HTT: variants seen among roughly 807,000 people sequenced by gnomAD.
The protein encoded by HTT is huntingtin.
HTT carries 104 observed loss-of-function variants against 362.3 expected under a neutral mutation model. The ratio of observed to expected loss-of-function variants is 0.29; its 90% CI spans 0.24 to 0.34. The LOEUF is 0.34. HTT is among the 10% of genes least tolerant of loss of function. HTT has a pLI of 1.00. For synonymous variants in HTT, 1,577 were observed against 1,548.7 expected (o/e 1.02, Z -0.43); for missense variants, 3,301 against 3,928.6 (o/e 0.84, Z 4.27).
intron 2 of HTT, among the ~76,000 whole-genome samples, chr4:3,089,547 CT>C (rs1335681000): frequency 6.6e-6 from 1 of 152,226 alleles, no homozygotes; most frequent in African/African-American, 2.4e-5. Context: ...GCCACTGCCC[CT>C]GGCCATCTTT....
intron 29 of HTT, among the ~76,000 whole-genome samples, chr4:3,168,606 C>T (rs1218126965): frequency 6.6e-6 from 1 of 152,050 alleles, no homozygotes; most frequent in African/African-American, 2.4e-5. Context: ...TTGGATTTTT[C>T]TTTTGCATTA....
chr4:3,206,845 G>T lies in HTT; in HGVS notation c.5937G>T (p.Gly1979=), dbSNP rs201094471. ...MLKKTLQCLE[G]IHLSQSGAVL... ...AGAAAACTCTTCAGTGCTTGGAGGG[G>T]ATCCATCTCAGCCAGTCGGGAGCTG... The change falls in exon 44 of 67, where the codon GGG becomes GGT. Residue 1979 remains glycine (G), a synonymous_variant. Transcript: ENST00000355072. This position sits in a 1 kb window ranked among gnomAD's most constrained non-coding sequence, Gnocchi z 4.6. The T allele has an allele frequency of 5.0e-6, 8 of 1,611,306 alleles. No individual in the cohort carries two copies. Among genetic ancestry groups the T allele is most frequent in the Non-Finnish European group, 6.8e-6 (8 of 1,178,134 alleles).
At chr4:3,121,499 T>C in intron 9 of HTT, 67 bp downstream of exon 9, 1 of 1,075,624 alleles carries the variant, frequency 9.3e-7, no homozygotes, top group South Asian at 1.4e-5. Context: ...CTCTATTGAT[T>C]ATGGGCCTGC....
chr4:3,183,963 A>T (rs1718641610), intron 37 of HTT, among the ~76,000 whole-genome samples: 1 of 152,014 alleles, frequency 6.6e-6, no homozygotes, highest in South Asian at 2.1e-4. Context: ...TTAAAGAAAG[A>T]CCCCCTGCCT....
At chr4:3,111,413 C>G (rs572113914) in intron 6 of HTT, among the ~76,000 whole-genome samples, 9 of 152,188 alleles carry the variant, frequency 5.9e-5, no homozygotes, top group African/African-American at 1.9e-4. Context: ...AGGCTGGTCT[C>G]GAACGCCTGA....
Position 3,187,637 on chromosome 4 carries a change from TA to T in HTT, c.4990-13del. 1.3e-6 allele frequency: 2 copies of T among 1,585,558 alleles called. No homozygotes were observed. Among genetic ancestry groups the T allele is most frequent in the Non-Finnish European group, 1.7e-6 (2 of 1,155,294 alleles). On this transcript the variant is annotated splice_polypyrimidine_tract_variant and intron_variant, in intron 38 of 66. Coordinates refer to ENST00000355072, the MANE Select transcript of HTT (RefSeq NM_001388492.1). ...TTTTCTTCAGCTGTGACTTATGTAT[TA>T]TGTTTATTTTAGGCGTCCGTGAGCA...
intron 18 of HTT, among the ~76,000 whole-genome samples, chr4:3,133,306 C>T (rs147969935): frequency 4.4e-4 from 66 of 149,810 alleles, no homozygotes; most frequent in Middle Eastern, 3.4e-3. Context: ...CATAGTTGAC[C>T]CTGTCCCTAC....
At chr4:3,126,408 T>G (rs924279335) in intron 11 of HTT, among the ~76,000 whole-genome samples, 2 of 152,168 alleles carry the variant, frequency 1.3e-5, no homozygotes, top group African/African-American at 2.4e-5. Context: ...AAGATGAGGA[T>G]TAACTGAAGG....
intron 38 of HTT, among the ~76,000 whole-genome samples, chr4:3,187,225 G>A (rs144574929): frequency 1.2e-3 from 179 of 151,206 alleles, no homozygotes; most frequent in African/African-American, 4.3e-3. Flanking sequence ...GCGCTACCTC[G>A]ACTCACTGCA....
chr4:3,167,154 C>T (rs1717757057), intron 29 of HTT, among the ~76,000 whole-genome samples: 1 of 152,378 alleles, frequency 6.6e-6, no homozygotes, highest in African/African-American at 2.4e-5. Context: ...CCACTGCAAC[C>T]TTTGCCTCCT....
chr4:3,166,427 C>T (rs181652225), intron 29 of HTT, among the ~76,000 whole-genome samples: 73 of 152,314 alleles, frequency 4.8e-4, no homozygotes, highest in African/African-American at 9.9e-4. Flanking sequence ...AATGCCGTAC[C>T]GGGAGAACCA....
chr4:3,227,975 C>T (rs1249422328), intron 57 of HTT, among the ~76,000 whole-genome samples: 6 of 152,176 alleles, frequency 3.9e-5, no homozygotes, highest in East Asian at 3.9e-4. Context: ...ACAGACTCCT[C>T]GCCCACTCCC....
At position 3,222,447 on chromosome 4, in the gene HTT, C is replaced by T. The variant is rs780107075; in HGVS notation, c.7430C>T (p.Thr2477Met). The T allele has an allele frequency of 4.3e-5, 70 of 1,614,156 alleles. 2 individuals carry two copies. The South Asian group carries it at 5.9e-4, about 14-fold the overall frequency. Reference sequence around the variant, plus strand: ...GCCACCCTCCTTGGTGTCCTGGTGACGCAGCCCCTCGTGATGGAGCAGGAG... The same window carrying T: ...GCCACCCTCCTTGGTGTCCTGGTGATGCAGCCCCTCGTGATGGAGCAGGAG... ...TWATLLGVLV[T>M]QPLVMEQEES... Residue 2477 changes from threonine (T) to methionine (M), a missense_variant, in exon 54 of 67, where the codon ACG becomes ATG. By Grantham distance (81) the Thr-to-Met change is moderately conservative. Transcript: ENST00000355072.
rs779383512 is a variant in HTT, at chr4:3,235,794, G to A, written c.8785+16G>A. ...ATGTACACAGGTGAGCATGTACACG[G>A]TGCCCATAAGGCCAGCCCAAGTCCT... On this transcript the variant is annotated intron_variant, in intron 63 of 66. Transcript: ENST00000355072. 5.7e-6 allele frequency: 9 copies of A among 1,586,684 alleles called. No homozygotes were observed. Among genetic ancestry groups the A allele is most frequent in the Non-Finnish European group, 7.7e-6 (9 of 1,166,768 alleles).
At chr4:3,087,387 T>C (rs1297316201) in intron 2 of HTT, among the ~76,000 whole-genome samples, 1 of 152,234 alleles carries the variant, frequency 6.6e-6, no homozygotes, top group Non-Finnish European at 1.5e-5. Context: ...GTCTCTCTTA[T>C]TTGCTTTTTC....
chr4:3,187,829 TAGA>T lies in HTT; in HGVS notation c.5173_5175del (p.Glu1725del). On this transcript the variant is annotated inframe_deletion, in exon 39 of 67. Coordinates refer to ENST00000355072, the MANE Select transcript of HTT (RefSeq NM_001388492.1). ...AGAGATGGGGACAGTACTTCAACGCTAGAAGAACACAGTGAAGGGAAACAAATA... is the reference window on the plus strand; with the variant it reads ...AGAGATGGGGACAGTACTTCAACGCTAGAACACAGTGAAGGGAAACAAATA... The T allele has an allele frequency of 2.5e-6, 4 of 1,613,418 alleles. No individual in the cohort carries two copies. The highest frequency in any genetic ancestry group is 3.4e-6 in the Non-Finnish European group (4 of 1,179,394).
intron 25 of HTT, among the ~76,000 whole-genome samples, chr4:3,147,386 A>G (rs965949602): frequency 2.0e-5 from 3 of 152,174 alleles, no homozygotes; most frequent in African/African-American, 7.2e-5. Context: ...GGCTGGTAGG[A>G]AAGAGCACAA....
chr4:3,185,468 ACAC>A (rs888514205), intron 37 of HTT, among the ~76,000 whole-genome samples: 2 of 152,132 alleles, frequency 1.3e-5, no homozygotes, highest in Admixed American at 6.5e-5. Flanking sequence ...GCCTTGAAAA[ACAC>A]CACATCTGTT....
At chr4:3,146,018 A>G (rs1716581323) in intron 24 of HTT, among the ~76,000 whole-genome samples, 1 of 152,260 alleles carries the variant, frequency 6.6e-6, no homozygotes, top group African/African-American at 2.4e-5. Flanking sequence ...GTAAACATAC[A>G]GTTCTAATAC....
Sources: gnomAD v4.1 joint callset for allele counts (sites outside exome capture counted in the v4.1 genomes callset) on GRCh38, gnomAD v4.1.1 for gene constraint, Gnocchi (gnomAD v3.1) non-coding constraint, MANE v1.5 for transcripts, NCBI Gene and HGNC (gene_info 2026-07-23, HGNC 2026-07-21) for gene names.